The following MCTP1 variants were observed in gnomAD, a reference collection of about 807,000 sequenced individuals.
MCTP1 encodes multiple C2 and transmembrane domain containing 1.
Under a neutral mutation model 120.6 loss-of-function variants are expected in MCTP1, and 69 were observed. The observed-to-expected ratio is 0.57, with a 90% confidence interval of 0.47 to 0.70. MCTP1 has a LOEUF of 0.70. Ranked by LOEUF, MCTP1 falls within the 30% of genes least tolerant of loss-of-function variation. The pLI, the probability that MCTP1 is intolerant of heterozygous loss-of-function variation, is 0.00. For missense variants in MCTP1, 1,203 were observed against 1,248.8 expected (o/e 0.96, Z 0.55); for synonymous variants, 529 against 493.1 (o/e 1.07, Z -0.96).
intron 17 of MCTP1, among the ~76,000 whole-genome samples, chr5:94,856,234 A>G (rs1044497314): frequency 7.2e-5 from 11 of 151,782 alleles, no homozygotes; most frequent in African/African-American, 1.9e-4. Flanking sequence ...AAATTCTTCA[A>G]TCATGTTAAA....
intron 1 of MCTP1, among the ~76,000 whole-genome samples, chr5:95,152,757 A>C (rs746152897): frequency 6.6e-6 from 1 of 152,186 alleles, no homozygotes; most frequent in Non-Finnish European, 1.5e-5. Context: ...AACTAATCAG[A>C]TACAGGAACA....
chr5:94,812,896 TTCTCTCTCTCTCTCTC>T (rs70978132), intron 17 of MCTP1, among the ~76,000 whole-genome samples: 1 of 147,214 alleles, frequency 6.8e-6, no homozygotes, highest in Admixed American at 6.8e-5. Flanking sequence ...ACCAAAAGCA[TTCTCTCTCTCTCTCTC>T]TCTCTCTCTC....
chr5:94,747,919 CGT>C (rs1767302045), intron 19 of MCTP1, among the ~76,000 whole-genome samples: 1 of 152,004 alleles, frequency 6.6e-6, no homozygotes, highest in Non-Finnish European at 1.5e-5. Flanking sequence ...GGTGAAATCC[CGT>C]CTCTACTAAA....
At chr5:95,095,790 T>C (rs1259831310) in intron 1 of MCTP1, among the ~76,000 whole-genome samples, 1 of 152,142 alleles carries the variant, frequency 6.6e-6, no homozygotes, top group African/African-American at 2.4e-5. Flanking sequence ...CAGACTGAAG[T>C]ACATGACTCA....
At position 95,206,557 on chromosome 5, in the gene MCTP1, A is replaced by G. The variant is rs201477127; in HGVS notation, c.720+77299T>C. On this transcript the variant is annotated intron_variant, in intron 1 of 22. Coordinates refer to ENST00000515393, the MANE Select transcript of MCTP1 (RefSeq NM_024717.7). ...TATAGATTTTGTTTGTTTTTTTGAG[A>G]CGGAGTCTCACTCTGTCACCAGGCT... 2.0e-5 allele frequency among the ~76,000 whole-genome samples: 3 copies of G among 152,114 alleles called. No homozygotes were observed. In the East Asian group the frequency reaches 5.8e-4, roughly 29 times the overall value.
chr5:94,736,823 C>T (rs73150165), intron 19 of MCTP1, among the ~76,000 whole-genome samples: 2,028 of 152,236 alleles, frequency 0.013, 62 homozygotes, highest in African/African-American at 0.047. Context: ...ATTTGATTTA[C>T]TGAGATAACA....
At chr5:94,893,938 G>C (rs1803288892) in intron 11 of MCTP1, among the ~76,000 whole-genome samples, 1 of 152,192 alleles carries the variant, frequency 6.6e-6, no homozygotes, top group African/African-American at 2.4e-5. Context: ...CATTGAGAGA[G>C]AATGGTGGAG....
chr5:95,233,798 G>A (rs1212890051), intron 1 of MCTP1, among the ~76,000 whole-genome samples: 2 of 151,984 alleles, frequency 1.3e-5, no homozygotes, highest in African/African-American at 4.8e-5. Context: ...AAAGCAAAAG[G>A]TTCTCAAATC....
chr5:94,847,680 G>GTA (rs1302413305), intron 17 of MCTP1, among the ~76,000 whole-genome samples: 6,926 of 107,784 alleles, frequency 0.064, 186 homozygotes, highest in East Asian at 0.15. Context: ...GTGTGTGTGT[G>GTA]TGTATATATA....
At chr5:94,716,773 A>G (rs149333688) in intron 19 of MCTP1, among the ~76,000 whole-genome samples, 4,465 of 151,554 alleles carry the variant, frequency 0.029, 95 homozygotes, top group Non-Finnish European at 0.049. Flanking sequence ...TTTTTAGTTG[A>G]ATATATAGGC....
intron 3 of MCTP1, 34 bp downstream of exon 3, chr5:94,953,185 G>C: frequency 6.4e-7 from 1 of 1,555,862 alleles, no homozygotes; most frequent in Non-Finnish European, 8.7e-7. Flanking sequence ...TTCCACATCA[G>C]TTTCTATCAG....
intron 1 of MCTP1, among the ~76,000 whole-genome samples, chr5:95,148,081 G>T (rs985625493): frequency 6.6e-6 from 1 of 152,122 alleles, no homozygotes; most frequent in Non-Finnish European, 1.5e-5. Context: ...CTAGCCTATT[G>T]GGGTTCCTTT....
intron 1 of MCTP1, among the ~76,000 whole-genome samples, chr5:95,036,038 G>T (rs1277969599): frequency 6.6e-6 from 1 of 152,030 alleles, no homozygotes; most frequent in East Asian, 1.9e-4. Flanking sequence ...CTGACCTTTT[G>T]TCTTTTTGTG....
chr5:94,912,743 C>A lies in MCTP1; in HGVS notation c.1521+63G>T, dbSNP rs916408449. 6 of 1,326,826 alleles carry A rather than the reference C, an allele frequency of 4.5e-6. No individual in the cohort carries two copies. In the African/African-American group the frequency reaches 7.6e-5, roughly 17 times the overall value. 82.2% of individuals were successfully genotyped at this position (1,326,826 alleles called of 1,614,324 possible). On this transcript the variant is annotated intron_variant, in intron 9 of 22. Coordinates refer to ENST00000515393, the MANE Select transcript of MCTP1 (RefSeq NM_024717.7). The stretch of plus-strand genomic sequence containing the variant: ...TATCTAGTGGTTTCATCTCCTAAAG[C>A]AGGGCTATTAACCAACCAATGCCTT...
intron 1 of MCTP1, among the ~76,000 whole-genome samples, chr5:95,082,715 A>G (rs1662852728): frequency 6.6e-6 from 1 of 152,172 alleles, no homozygotes; most frequent in African/African-American, 2.4e-5. Flanking sequence ...TTTTGGTACT[A>G]GTGTTGGAGA....
intron 12 of MCTP1, among the ~76,000 whole-genome samples, chr5:94,875,366 T>C (rs1798613185): frequency 6.6e-6 from 1 of 151,864 alleles, no homozygotes; most frequent in Non-Finnish European, 1.5e-5. Flanking sequence ...GCTGGAGGAA[T>C]GTTCTGGGGA....
intron 1 of MCTP1, among the ~76,000 whole-genome samples, chr5:95,271,118 T>C (rs1442028824): frequency 6.6e-6 from 1 of 152,062 alleles, no homozygotes; most frequent in Non-Finnish European, 1.5e-5. Context: ...AGATATATGC[T>C]CCTAGAAAAA....
At chr5:95,270,098 AAAT>A (rs1463485418) in intron 1 of MCTP1, among the ~76,000 whole-genome samples, 2 of 152,228 alleles carry the variant, frequency 1.3e-5, no homozygotes, top group East Asian at 1.9e-4. Flanking sequence ...TCAATAACAA[AAAT>A]AATGATGGTG....
At chr5:94,732,574 C>T (rs774490559) in intron 19 of MCTP1, among the ~76,000 whole-genome samples, 1 of 152,170 alleles carries the variant, frequency 6.6e-6, no homozygotes, top group Non-Finnish European at 1.5e-5. Context: ...TGCCCCATCC[C>T]CACCAAATTC....
Sources: allele counts gnomAD v4.1 joint callset (sites outside exome capture counted in the v4.1 genomes callset), GRCh38; gene constraint gnomAD v4.1.1; transcripts MANE v1.5; gene names NCBI Gene and HGNC (gene_info 2026-07-23, HGNC 2026-07-21).